NME9: variants seen among roughly 807,000 people sequenced by gnomAD.
The protein encoded by NME9 is thioredoxin domain-containing protein 6.
A neutral mutation model predicts 44.4 loss-of-function variants in NME9; 48 were observed. The ratio of observed to expected loss-of-function variants is 1.08; its 90% CI spans 0.86 to 1.37. NME9 has a LOEUF of 1.37. Among genes scored for constraint, NME9 ranks in the 40% most tolerant of loss-of-function variants. NME9 has a pLI of 0.00. For synonymous variants in NME9, 139 were observed against 147.1 expected (o/e 0.94, Z 0.40); for missense variants, 325 against 405.2 (o/e 0.80, Z 1.70).
chr3:138,286,322 CTCT>C (rs1314758555), intron 8 of NME9, among the ~76,000 whole-genome samples: 1 of 152,138 alleles, frequency 6.6e-6, no homozygotes, highest in Non-Finnish European at 1.5e-5. Context: ...TTTTAACCTC[CTCT>C]GTTTCACCTC....
intron 3 of NME9, among the ~76,000 whole-genome samples, chr3:138,318,968 T>G (rs1254110418): frequency 2.6e-5 from 4 of 151,870 alleles, no homozygotes; most frequent in Non-Finnish European, 4.4e-5. Flanking sequence ...GACGCTGTGG[T>G]GGGAGGATTG....
At chr3:138,292,956 G>A (rs1399597773) in intron 8 of NME9, among the ~76,000 whole-genome samples, 1 of 152,150 alleles carries the variant, frequency 6.6e-6, no homozygotes. Flanking sequence ...AAAGATGCCT[G>A]GACGGTGGCC....
At chr3:138,278,503 C>CA (rs34583566) in intron 8 of NME9, among the ~76,000 whole-genome samples, 1,915 of 140,544 alleles carry the variant, frequency 0.014, 33 homozygotes, top group African/African-American at 0.042. Context: ...GACTCCATCT[C>CA]AAAAAAAAAA....
downstream of NME9, among the ~76,000 whole-genome samples, chr3:138,299,322 G>A (rs932264632): frequency 6.6e-6 from 1 of 152,164 alleles, no homozygotes; most frequent in Non-Finnish European, 1.5e-5. Flanking sequence ...CTCAGGCTGA[G>A]TGGAGGTCCA....
intron 8 of NME9, among the ~76,000 whole-genome samples, chr3:138,292,733 G>A (rs1404921807): frequency 6.6e-6 from 1 of 152,186 alleles, no homozygotes; most frequent in East Asian, 1.9e-4. Flanking sequence ...ACTTGGAAGA[G>A]CAGGGCTATA....
intron 8 of NME9, chr3:138,287,972 T>C: frequency 5.4e-6 from 1 of 185,638 alleles, no homozygotes; most frequent in Admixed American, 5.7e-5. Flanking sequence ...GGTTGTACTT[T>C]CAGTACATAA....
intron 10 of NME9, among the ~76,000 whole-genome samples, chr3:138,303,044 TGTG>T (rs1460540175): frequency 2.0e-5 from 3 of 152,176 alleles, no homozygotes; most frequent in Non-Finnish European, 1.5e-5. Context: ...TGCATTGAAA[TGTG>T]GTGTTGAGGG....
At position 138,301,709 on chromosome 3, in the gene NME9, G is replaced by C. The variant is rs545666813; in HGVS notation, c.929-5C>G. On this transcript the variant is annotated splice_region_variant and splice_polypyrimidine_tract_variant and intron_variant, in intron 10 of 10. Transcript: ENST00000333911. ...CTGTTGCTTCAGCCTCACCGCCTGT[G>C]GGATGACAGATGTTTGGTAGGACTC... is the stretch of plus-strand genomic sequence containing the variant. The C allele has an allele frequency of 1.6e-5, 24 of 1,535,548 alleles. No individual in the cohort carries two copies. The East Asian group carries it at 5.9e-4, about 38-fold the overall frequency.
chr3:138,266,931 G>T (rs968146774), intron 8 of NME9, among the ~76,000 whole-genome samples: 9 of 152,256 alleles, frequency 5.9e-5, no homozygotes, highest in African/African-American at 1.4e-4. Context: ...CCCCAGTGAG[G>T]CTGCAGCTTC....
chr3:138,291,823 T>C (rs1010848667), intron 8 of NME9, among the ~76,000 whole-genome samples: 13 of 152,048 alleles, frequency 8.5e-5, no homozygotes, highest in Non-Finnish European at 1.9e-4. Flanking sequence ...ACTTGGTATG[T>C]TCAAGAAACA....
In NME9 at chr3:138,306,470, C is replaced by G; in HGVS notation, c.471G>C (p.Glu157Asp). 1 of 1,606,632 alleles carries G rather than the reference C, an allele frequency of 6.2e-7. No homozygotes were observed. Among genetic ancestry groups the G allele is most frequent in the South Asian group, 1.1e-5 (1 of 89,464 alleles). ...NGEDEDMVSS[E>D]RTCTLAIIKP... is the part of the protein sequence containing the mutation. ...TAATGATGGCCAAGGTACAGGTCCT[C>G]TCTGATGAAACTAAGCCAAAAAATG... The change falls in exon 7 of 11, where the codon GAG becomes GAC. Residue 157 changes from glutamate (E) to aspartate (D), a missense_variant. Glu to Asp is a conservative substitution (Grantham distance 45). Transcript: ENST00000333911.
rs2052780611 is a variant in NME9 at position 138,312,658 on chromosome 3, GA to G, written c.460+1673del. ...ACCTGATACTATGAAACTATCAAAA[GA>G]CAACATTGGGGAAATGCTCCAGGAT... On this transcript the variant is annotated intron_variant, in intron 6 of 10. Transcript: ENST00000333911. Among the ~76,000 whole-genome samples, 3 of 152,270 alleles carry G rather than the reference GA, an allele frequency of 2.0e-5. No homozygotes were observed. In the South Asian group the frequency reaches 6.2e-4, roughly 32 times the overall value.
chr3:138,317,869 G>A (rs1359990254), intron 4 of NME9, among the ~76,000 whole-genome samples: 2 of 152,164 alleles, frequency 1.3e-5, no homozygotes, highest in Non-Finnish European at 2.9e-5. Context: ...CTAGGGTGCT[G>A]TGTCATCCAC....
At position 138,268,584 on chromosome 3, in the gene NME9, C is replaced by T. The variant is rs181943799; in HGVS notation, c.746-5998G>A. 1.6e-4 allele frequency among the ~76,000 whole-genome samples: 24 copies of T among 152,138 alleles called. No individual in the cohort carries two copies. In the Middle Eastern group the frequency reaches 0.01, roughly 65 times the overall value. On this transcript the variant is annotated intron_variant, in intron 8 of 8. Coordinates refer to the NME9 transcript ENST00000317876. Reference sequence around the variant, plus strand: ...TTATATTGAAAAATTAACTCCCAACCGGGGCAACATAGCAAGACCTTGTCT... The same window carrying T: ...TTATATTGAAAAATTAACTCCCAACTGGGGCAACATAGCAAGACCTTGTCT...
intron 8 of NME9, among the ~76,000 whole-genome samples, chr3:138,272,763 T>A (rs2048914334): frequency 6.6e-6 from 1 of 152,068 alleles, no homozygotes; most frequent in African/African-American, 2.4e-5. Flanking sequence ...TACTCCCAGC[T>A]ACTCAGGAGA....
intron 8 of NME9, among the ~76,000 whole-genome samples, chr3:138,294,471 A>G (rs565499557): frequency 6.6e-6 from 1 of 152,342 alleles, no homozygotes; most frequent in South Asian, 2.1e-4. Context: ...CTTGGAGATA[A>G]TCTTTCTAGA....
At chr3:138,290,933 A>G (rs1468859204) in intron 8 of NME9, among the ~76,000 whole-genome samples, 1 of 152,214 alleles carries the variant, frequency 6.6e-6, no homozygotes, top group Non-Finnish European at 1.5e-5. Flanking sequence ...ATAGACATGC[A>G]TGTGGCATTT....
At chr3:138,278,806 A>G (rs1189080569) in intron 8 of NME9, among the ~76,000 whole-genome samples, 1 of 151,866 alleles carries the variant, frequency 6.6e-6, no homozygotes, top group Non-Finnish European at 1.5e-5. Context: ...CATATGTTTG[A>G]TGTTTTTGTA....
At chr3:138,316,068 G>A (rs1260258253) in intron 4 of NME9, among the ~76,000 whole-genome samples, 1 of 152,040 alleles carries the variant, frequency 6.6e-6, no homozygotes, top group South Asian at 2.1e-4. Flanking sequence ...TCCTGACCTC[G>A]TGATCTGCCT....
Sources: gnomAD v4.1 joint callset for allele counts (sites outside exome capture counted in the v4.1 genomes callset) on GRCh38, gnomAD v4.1.1 for gene constraint, MANE v1.5 for transcripts, NCBI Gene and HGNC (gene_info 2026-07-23, HGNC 2026-07-21) for gene names.